LAMP3: variants seen among roughly 807,000 people sequenced by gnomAD.
LAMP3 encodes the protein lysosome-associated membrane glycoprotein 3.
A neutral mutation model predicts 34.8 loss-of-function variants in LAMP3; 26 were observed. That is an observed-to-expected ratio of 0.75 (90% CI 0.55 to 1.04). LAMP3 has a LOEUF of 1.04. Among genes scored for constraint, LAMP3 ranks in the 50% least tolerant of loss-of-function variants. LAMP3 has a pLI of 0.00. For synonymous variants in LAMP3, 180 were observed against 201.9 expected (o/e 0.89, Z 0.92); for missense variants, 495 against 524.0 (o/e 0.94, Z 0.54).
At position 183,150,565 on chromosome 3, in the gene LAMP3, C is replaced by CTTTT. The variant is rs10665288; in HGVS notation, c.888+1806_888+1809dup. Among the ~76,000 whole-genome samples the CTTTT allele has an allele frequency of 4.8e-3, 417 of 86,054 alleles. 10 individuals are homozygous for CTTTT. The highest frequency in any genetic ancestry group is 0.01 in the South Asian group (20 of 1,970). The allele number at this position is 86,054 out of a possible 152,430, so 56.5% of individuals were successfully genotyped here. On this transcript the variant is annotated intron_variant, in intron 3 of 5. Transcript: ENST00000265598. Reference sequence around the variant, plus strand: ...ATCTTCTGCTATTTTGCCAAAGTGACTTTTTTTTTTTTTTTTTTTTTTGGA... The same window carrying CTTTT: ...ATCTTCTGCTATTTTGCCAAAGTGACTTTTTTTTTTTTTTTTTTTTTTTTTTGGA...
At chr3:183,156,527 A>C (rs1286807369) in intron 1 of LAMP3, among the ~76,000 whole-genome samples, 1 of 152,170 alleles carries the variant, frequency 6.6e-6, no homozygotes, top group African/African-American at 2.4e-5. Flanking sequence ...GGGAAAGGAG[A>C]TCACGCTATG....
At chr3:183,143,196 C>A (rs1021456921) in intron 3 of LAMP3, among the ~76,000 whole-genome samples, 3 of 152,136 alleles carry the variant, frequency 2.0e-5, no homozygotes, top group African/African-American at 7.2e-5. Context: ...GCAGCCTCAA[C>A]CTGCTGGGCT....
At chr3:183,159,050 C>T (rs936514953) in intron 1 of LAMP3, among the ~76,000 whole-genome samples, 4 of 152,102 alleles carry the variant, frequency 2.6e-5, no homozygotes, top group African/African-American at 9.7e-5. Context: ...AGGCATGTGC[C>T]ACCATGTCAA....
At chr3:183,132,279 T>C in intron 5 of LAMP3, 2 of 934,412 alleles carry the variant, frequency 2.1e-6, no homozygotes, top group South Asian at 9.9e-5. Context: ...TAGAGTAGGA[T>C]ATGTTTTTTT....
At chr3:183,161,109 T>G (rs1965484) in intron 1 of LAMP3, 67,916 of 152,056 alleles carry the variant, frequency 0.45, 17,334 homozygotes, top group South Asian at 0.58. Context: ...TCCCCAGTAC[T>G]CCTAGCAGAG....
intron 3 of LAMP3, among the ~76,000 whole-genome samples, chr3:183,143,683 C>G (rs187938232): frequency 1.3e-5 from 2 of 151,986 alleles, no homozygotes; most frequent in Non-Finnish European, 2.9e-5. Flanking sequence ...TTCATACATC[C>G]CTATTAAGTG....
intron 5 of LAMP3, among the ~76,000 whole-genome samples, chr3:183,130,539 A>G (rs1719888238): frequency 6.6e-6 from 1 of 152,064 alleles, no homozygotes; most frequent in South Asian, 2.1e-4. Flanking sequence ...GTTTGTTTTC[A>G]TCTTGCTCAT....
chr3:183,152,397 A>T lies in LAMP3; in HGVS notation c.866T>A (p.Phe289Tyr). ...SNLLLNFQGG[F>Y]VNLTFTKDEE... The stretch of plus-strand genomic sequence containing the variant: ...CACCTTGGTAAATGTGAGATTCACA[A>T]ATCCGCCCTGAAAATTCAACAGAAG... The change falls in exon 3 of 6, where the codon TTT (phenylalanine) becomes TAT (tyrosine). Residue 289 changes from phenylalanine (F) to tyrosine (Y), a missense_variant. Physicochemically the swap from Phe to Tyr is conservative, Grantham distance 22 (BLOSUM62 3). Coordinates refer to ENST00000265598, the MANE Select transcript of LAMP3 (RefSeq NM_014398.4). 6.2e-7 allele frequency: 1 copy of T among 1,612,312 alleles called. No individual in the cohort carries two copies. Among genetic ancestry groups the T allele is most frequent in the East Asian group, 2.2e-5 (1 of 44,704 alleles).
chr3:183,139,237 A>G (rs1399073086), intron 4 of LAMP3, among the ~76,000 whole-genome samples: 3 of 152,128 alleles, frequency 2.0e-5, no homozygotes, highest in Non-Finnish European at 2.9e-5. Flanking sequence ...TAAAAATACA[A>G]AAATTAGCCA....
rs545224591 is a variant in LAMP3 at position 183,147,945 on chromosome 3, G to A, written c.888+4430C>T. Among the ~76,000 whole-genome samples, 9 of 152,112 alleles carry A rather than the reference G, an allele frequency of 5.9e-5. No homozygotes were observed. In the South Asian group the frequency reaches 6.2e-4, roughly 11 times the overall value. ...TTGCCCAGGCTGATCTCAAACTCCCGGGTTCATGCAATCATTCCACCTTGG... is the reference window on the plus strand; with the variant it reads ...TTGCCCAGGCTGATCTCAAACTCCCAGGTTCATGCAATCATTCCACCTTGG... On this transcript the variant is annotated intron_variant, in intron 3 of 5. Coordinates refer to ENST00000265598, the MANE Select transcript of LAMP3 (RefSeq NM_014398.4).
intron 5 of LAMP3, among the ~76,000 whole-genome samples, chr3:183,133,562 G>A (rs1434255451): frequency 2.0e-5 from 3 of 152,100 alleles, no homozygotes; most frequent in East Asian, 3.9e-4. Flanking sequence ...TGCTATGTTG[G>A]CCAGGCTGGT....
Position 183,153,682 on chromosome 3 carries a change from C to A in LAMP3, c.759G>T (p.Ser253=). 6.6e-7 allele frequency: 1 copy of A among 1,513,012 alleles called. No individual in the cohort carries two copies. Among genetic ancestry groups the A allele is most frequent in the South Asian group, 1.3e-5 (1 of 74,198 alleles). The allele number at this position is 1,513,012 out of a possible 1,614,324, so 93.7% of individuals were successfully genotyped here. A position where few individuals can be genotyped will look rare whatever the true frequency, so the allele number is the denominator to read the frequency against. ...GIQLIVQDKE[S]VFSPRRYFNI... is the part of the protein sequence containing the mutation. ...TTATAGTCCTGTGGCCCCAACTTAC[C>A]GACTCCTTGTCTTGAACAATCAGCT... The change falls in exon 2 of 6, where the codon TCG becomes TCT. Residue 253 remains serine, a splice_region_variant and synonymous_variant. Coordinates refer to ENST00000265598, the MANE Select transcript of LAMP3 (RefSeq NM_014398.4).
chr3:183,123,188 C>T lies in LAMP3; in HGVS notation c.*893G>A, dbSNP rs903089965. 4 of 152,096 alleles carry T rather than the reference C, an allele frequency of 2.6e-5. No homozygotes were observed. The highest frequency in any genetic ancestry group is 9.7e-5 in the African/African-American group (4 of 41,414). The allele number at this position is 152,096 out of a possible 1,614,324, so 9.4% of individuals were successfully genotyped here. A position where few individuals can be genotyped will look rare whatever the true frequency, so the allele number is the denominator to read the frequency against. On this transcript the variant is annotated 3_prime_UTR_variant, in exon 6 of 6. Coordinates refer to ENST00000265598, the MANE Select transcript of LAMP3 (RefSeq NM_014398.4). Reference sequence around the variant, plus strand: ...GAGTCATCAAGATAAAAAATATAAGCTGATTTGTTCTTTTTGTTGGTTTTA... The same window carrying T: ...GAGTCATCAAGATAAAAAATATAAGTTGATTTGTTCTTTTTGTTGGTTTTA...
intron 4 of LAMP3, among the ~76,000 whole-genome samples, chr3:183,136,673 A>AAT (rs1720105334): frequency 6.8e-6 from 1 of 147,092 alleles, no homozygotes; most frequent in Non-Finnish European, 1.5e-5. Flanking sequence ...AAAAAAAACA[A>AAT]CTCATTAGGA....
Position 183,153,949 on chromosome 3 carries a change from G to C in LAMP3, c.492C>G (p.Asn164Lys). ...HTTGNTTQPSNQTTLPATLSI... is the reference protein window; with the variant it reads ...HTTGNTTQPSKQTTLPATLSI... ...ATAAAGTTGCTGGAAGGGTGGTCTG[G>C]TTACTGGGTTGAGTGGTGTTCCCAG... Residue 164 changes from asparagine to lysine, a missense_variant, in exon 2 of 6, where the codon AAC (asparagine) becomes AAG (lysine). Coordinates refer to ENST00000265598, the MANE Select transcript of LAMP3 (RefSeq NM_014398.4). 1.2e-6 allele frequency: 2 copies of C among 1,614,216 alleles called. No homozygotes were observed. Among genetic ancestry groups the C allele is most frequent in the Non-Finnish European group, 1.7e-6 (2 of 1,180,040 alleles).
At chr3:183,152,186 CAGA>C (rs760230040) in intron 3 of LAMP3, among the ~76,000 whole-genome samples, 186 bp downstream of exon 3, 2 of 152,152 alleles carry the variant, frequency 1.3e-5, no homozygotes, top group Non-Finnish European at 1.5e-5. Flanking sequence ...TTGGGCTGCA[CAGA>C]AGGAGGCTGA....
At chr3:183,156,364 A>AAACAAC (rs10663850) in intron 1 of LAMP3, among the ~76,000 whole-genome samples, 26,510 of 150,930 alleles carry the variant, frequency 0.18, 3,104 homozygotes, top group East Asian at 0.38. Context: ...GCTGTCTCAA[A>AAACAAC]AACAACAACA....
chr3:183,150,825 C>T (rs995128910), intron 3 of LAMP3, among the ~76,000 whole-genome samples: 3 of 152,010 alleles, frequency 2.0e-5, no homozygotes, highest in African/African-American at 7.3e-5. Flanking sequence ...CTGTATCCAG[C>T]CCAGGGACTT....
chr3:183,124,142 A>G lies in LAMP3; in HGVS notation c.1190T>C (p.Met397Thr). 1 of 1,613,162 alleles carries G rather than the reference A, an allele frequency of 6.2e-7. No individual in the cohort carries two copies. Among genetic ancestry groups the G allele is most frequent in the Non-Finnish European group, 8.5e-7 (1 of 1,179,688 alleles). ...GCGGATTTTATAGACACCCATACCCATAAGGCAGAGACCAACCACGATGGC... is the reference window on the plus strand; with the variant it reads ...GCGGATTTTATAGACACCCATACCCGTAAGGCAGAGACCAACCACGATGGC... ...IGAIVVGLCL[M>T]GMGVYKIRLR... The change falls in exon 6 of 6, where the codon ATG becomes ACG. Residue 397 changes from methionine (M) to threonine (T), a missense_variant. Physicochemically the swap from Met to Thr is moderately conservative, Grantham distance 81 (BLOSUM62 -1). Transcript: ENST00000265598.
Sources: allele counts gnomAD v4.1 joint callset (sites outside exome capture counted in the v4.1 genomes callset), GRCh38; gene constraint gnomAD v4.1.1; transcripts MANE v1.5; gene names NCBI Gene and HGNC (gene_info 2026-07-23, HGNC 2026-07-21).